The following TENM2 variants were observed in gnomAD, a reference collection of about 807,000 sequenced individuals.
The protein encoded by TENM2 is teneurin-2.
TENM2 carries 52 observed loss-of-function variants against 245.2 expected under a neutral mutation model. The ratio of observed to expected loss-of-function variants is 0.21; its 90% confidence interval spans 0.17 to 0.27. The LOEUF (loss-of-function observed/expected upper bound fraction) is 0.27, where lower values mean the gene tolerates loss of function less well. Among genes scored for constraint, TENM2 ranks in the 10% least tolerant of loss-of-function variants. The pLI is 1.00. For missense variants in TENM2, 3,046 were observed against 3,666.8 expected, an observed-to-expected ratio of 0.83 and a Z score of 4.37; for synonymous variants, 1,363 against 1,438.9, an observed-to-expected ratio of 0.95 and a Z score of 1.19.
chr5:167,542,730 GTT>G (rs953846760), intron 2 of TENM2, among the ~76,000 whole-genome samples: 3 of 151,492 alleles, frequency 2.0e-5, no homozygotes, highest in African/African-American at 4.9e-5. Flanking sequence ...GTATTTTCTG[GTT>G]TTTTTTCTGT....
At chr5:167,398,838 A>G (rs1178523441) in intron 2 of TENM2, among the ~76,000 whole-genome samples, 1 of 152,168 alleles carries the variant, frequency 6.6e-6, no homozygotes, top group African/African-American at 2.4e-5. Flanking sequence ...GTAGTAAACA[A>G]TTCATGCATA....
In TENM2 at chr5:167,706,930, G is replaced by A. The variant is rs551441792; in HGVS notation, c.503-169056G>A. ...CTTGGGAGGCTGAGGCAGGAGAATG[G>A]CGTGAACCCGGGAGGCGGAGCTTGC... On this transcript the variant is annotated intron_variant, in intron 2 of 28. Coordinates refer to ENST00000518659, the Ensembl canonical transcript of TENM2. Among the ~76,000 whole-genome samples, 320 of 151,094 alleles carry A rather than the reference G, an allele frequency of 2.1e-3. 2 individuals carry two copies. Among genetic ancestry groups the A allele is most frequent in the African/African-American group, 7.5e-3 (309 of 41,052 alleles).
At chr5:167,120,593 G>A in the TENM2 span, among the ~76,000 whole-genome samples, 4 of 152,174 alleles carry the variant, frequency 2.6e-5, no homozygotes, top group Admixed American at 6.6e-5. Flanking sequence ...TTTAGATTCC[G>A]TGGCAGTACC....
intron 1 of TENM2, among the ~76,000 whole-genome samples, chr5:167,328,203 CGTTTT>C (rs1193525299): frequency 6.3e-5 from 7 of 110,936 alleles, no homozygotes; most frequent in South Asian, 6.1e-4. Flanking sequence ...TTTCTCATAT[CGTTTT>C]TTTTTTTTTT....
chr5:168,017,580 A>G (rs978796831), intron 5 of TENM2, among the ~76,000 whole-genome samples: 1 of 152,144 alleles, frequency 6.6e-6, no homozygotes, highest in Non-Finnish European at 1.5e-5. Context: ...TTTGAATAAC[A>G]TCTGTGGCTA....
intron 2 of TENM2, among the ~76,000 whole-genome samples, chr5:167,439,225 T>C (rs1349798012): frequency 6.6e-6 from 1 of 152,230 alleles, no homozygotes; most frequent in African/African-American, 2.4e-5. Context: ...TGTAGGCTGA[T>C]AACTTTTTGC....
chr5:167,506,404 A>G (rs1257022922), intron 2 of TENM2, among the ~76,000 whole-genome samples: 1 of 152,218 alleles, frequency 6.6e-6, no homozygotes, highest in East Asian at 1.9e-4. Context: ...TTTAACTACA[A>G]CTAACTTTGT....
the TENM2 span, among the ~76,000 whole-genome samples, chr5:167,118,493 T>C: frequency 6.6e-6 from 1 of 152,246 alleles, no homozygotes; most frequent in East Asian, 1.9e-4. Context: ...TATATCAGGT[T>C]TCTGAGAACC....
the TENM2 span, among the ~76,000 whole-genome samples, chr5:167,047,433 T>C: frequency 2.6e-5 from 2 of 76,344 alleles, no homozygotes; most frequent in South Asian, 3.3e-4. Flanking sequence ...AAGTTCCAAA[T>C]TGATAACCTC....
intron 1 of TENM2, among the ~76,000 whole-genome samples, chr5:167,337,868 G>A (rs1757873446): frequency 6.6e-6 from 1 of 152,076 alleles, no homozygotes; most frequent in Non-Finnish European, 1.5e-5. Flanking sequence ...CTCAATATGT[G>A]TTTTATTATA....
the TENM2 span, among the ~76,000 whole-genome samples, chr5:167,018,076 GT>G: frequency 2.6e-5 from 4 of 152,056 alleles, no homozygotes; most frequent in Admixed American, 6.5e-5. Context: ...TCTTCATAAT[GT>G]ATTCTTTCCT....
intron 2 of TENM2, among the ~76,000 whole-genome samples, chr5:167,407,573 T>A (rs1468063615): frequency 1.3e-5 from 2 of 152,062 alleles, no homozygotes; most frequent in Non-Finnish European, 1.5e-5. Context: ...ATCCCAGCAC[T>A]TTGGGAGGCT....
chr5:167,834,752 C>T (rs1233049449), intron 2 of TENM2, among the ~76,000 whole-genome samples: 1 of 151,640 alleles, frequency 6.6e-6, no homozygotes, highest in East Asian at 2.0e-4. Flanking sequence ...CAGGTTCATG[C>T]CATTCTCCTG....
In TENM2 at chr5:167,816,681, G is replaced by GA. The variant is rs373223167; in HGVS notation, c.503-59296dup. On this transcript the variant is annotated intron_variant, in intron 2 of 28. Coordinates refer to ENST00000518659, the Ensembl canonical transcript of TENM2. ...GAAATTGAGTGAGAACTTCCATATG[G>GA]AAAAAAAAATCCTAGAATTTAAAGA... 6.0e-5 allele frequency among the ~76,000 whole-genome samples: 9 copies of GA among 150,842 alleles called. No individual in the cohort carries two copies. In the South Asian group the frequency reaches 6.3e-4, roughly 11 times the overall value.
intron 2 of TENM2, among the ~76,000 whole-genome samples, chr5:167,525,324 T>A (rs555510509): frequency 2.6e-5 from 4 of 152,294 alleles, no homozygotes; most frequent in African/African-American, 9.6e-5. Flanking sequence ...TTTTGACCAA[T>A]ATCCAAATGT....
At chr5:167,336,580 C>T (rs536028591) in intron 1 of TENM2, among the ~76,000 whole-genome samples, 1 of 152,040 alleles carries the variant, frequency 6.6e-6, no homozygotes, top group South Asian at 2.1e-4. Flanking sequence ...TTCCAAGGCT[C>T]CTTATACTCT....
At chr5:167,242,644 C>T in the TENM2 span, among the ~76,000 whole-genome samples, 17 of 152,084 alleles carry the variant, frequency 1.1e-4, no homozygotes, top group East Asian at 5.8e-4. Flanking sequence ...AATATATTTT[C>T]GCCTCTTTAT....
chr5:168,011,718 T>C (rs1315347934), intron 5 of TENM2, among the ~76,000 whole-genome samples: 1 of 152,174 alleles, frequency 6.6e-6, no homozygotes, highest in Non-Finnish European at 1.5e-5. Flanking sequence ...TTGACTGAAC[T>C]GGTCAGCTCT....
the TENM2 span, among the ~76,000 whole-genome samples, chr5:167,133,618 G>GAA: frequency 2.1e-3 from 294 of 139,028 alleles, 1 homozygote; most frequent in East Asian, 0.012. Context: ...CTCAAACTTG[G>GAA]AAAAAAAAAA....
Sources: allele counts gnomAD v4.1 joint callset (sites outside exome capture counted in the v4.1 genomes callset), GRCh38; gene constraint gnomAD v4.1.1; transcripts MANE v1.5; gene names NCBI Gene and HGNC (gene_info 2026-07-23, HGNC 2026-07-21).